Variants in DPP6 observed in about 807,000 individuals in gnomAD.
DPP6 encodes dipeptidyl peptidase like 6, also known as A-type potassium channel modulatory protein DPP6.
In DPP6, 69 loss-of-function variants were observed where a neutral mutation model predicts 122.6. The ratio of observed to expected loss-of-function variants is 0.56; its 90% CI spans 0.46 to 0.69. The LOEUF is 0.69. DPP6 is among the 30% of genes least tolerant of loss of function. The pLI is 0.00. For missense variants in DPP6, 928 were observed against 1,116.9 expected (o/e 0.83, Z 2.41); for synonymous variants, 418 against 433.1 (o/e 0.97, Z 0.43).
intron 1 of DPP6, among the ~76,000 whole-genome samples, chr7:153,990,821 G>A (rs1164360569): frequency 6.6e-6 from 1 of 152,242 alleles, no homozygotes; most frequent in African/African-American, 2.4e-5. Flanking sequence ...GGACGAAGGA[G>A]TGACGTCCAA....
chr7:154,484,775 T>G (rs953984179), intron 3 of DPP6, among the ~76,000 whole-genome samples: 3 of 152,224 alleles, frequency 2.0e-5, no homozygotes, highest in Non-Finnish European at 4.4e-5. Flanking sequence ...GATGCGGTAC[T>G]AGAGAGACTG....
chr7:154,032,263 A>G (rs1799282386), intron 1 of DPP6, among the ~76,000 whole-genome samples: 1 of 152,086 alleles, frequency 6.6e-6, no homozygotes, highest in South Asian at 2.1e-4. Context: ...TGGGACAAGG[A>G]CGTTGCAGGT....
At chr7:154,678,274 A>G (rs539191110) in intron 7 of DPP6, among the ~76,000 whole-genome samples, 6 of 152,310 alleles carry the variant, frequency 3.9e-5, no homozygotes, top group Admixed American at 6.5e-5. Context: ...TTCCACGTGG[A>G]AGCTGTGTTC....
At chr7:154,301,345 G>GCTC in intron 1 of DPP6, among the ~76,000 whole-genome samples, 1 of 152,278 alleles carries the variant, frequency 6.6e-6, no homozygotes, top group Non-Finnish European at 1.5e-5. Context: ...GAGTGCAGTG[G>GCTC]CTCTTTTTCC....
chr7:154,414,914 T>C (rs990455637), intron 1 of DPP6, among the ~76,000 whole-genome samples: 3 of 152,156 alleles, frequency 2.0e-5, no homozygotes, highest in African/African-American at 7.2e-5. Flanking sequence ...TCACACACTG[T>C]CACTTCCAGT....
At chr7:153,954,951 G>A (rs1373049042) in intron 1 of DPP6, among the ~76,000 whole-genome samples, 6 of 152,166 alleles carry the variant, frequency 3.9e-5, no homozygotes, top group Admixed American at 3.9e-4. Flanking sequence ...CTTACTATCG[G>A]GAAGGTAAGA....
chr7:154,674,067 G>A (rs183741907), intron 7 of DPP6, among the ~76,000 whole-genome samples: 1 of 152,078 alleles, frequency 6.6e-6, no homozygotes, highest in East Asian at 1.9e-4. Context: ...GCAGAGATGG[G>A]GTTTCACCGT....
chr7:154,019,863 C>T (rs1187227152), intron 1 of DPP6, among the ~76,000 whole-genome samples: 1 of 152,126 alleles, frequency 6.6e-6, no homozygotes, highest in African/African-American at 2.4e-5. Context: ...CTATTAAGTG[C>T]AGTTTTTCCA....
chr7:154,688,534 A>T (rs1839759156), intron 7 of DPP6, among the ~76,000 whole-genome samples: 1 of 152,150 alleles, frequency 6.6e-6, no homozygotes, highest in South Asian at 2.1e-4. Context: ...AACTAACAGG[A>T]TATATATATT....
At chr7:154,460,127 G>A (rs990692421) in intron 2 of DPP6, among the ~76,000 whole-genome samples, 4 of 151,742 alleles carry the variant, frequency 2.6e-5, no homozygotes, top group Middle Eastern at 3.4e-3. Context: ...TATTACAGAC[G>A]TGTACCACCA....
chr7:154,331,162 T>C (rs771792604), intron 1 of DPP6, among the ~76,000 whole-genome samples: 5 of 152,210 alleles, frequency 3.3e-5, no homozygotes, highest in Non-Finnish European at 7.3e-5. Flanking sequence ...ACATGGGTAC[T>C]CTAGGGATAC....
intron 1 of DPP6, among the ~76,000 whole-genome samples, chr7:154,276,953 G>A (rs1040727713): frequency 3.3e-5 from 5 of 152,054 alleles, no homozygotes; most frequent in South Asian, 4.2e-4. Context: ...GGCACATCAC[G>A]GTATTCTTGT....
intron 1 of DPP6, among the ~76,000 whole-genome samples, chr7:154,199,914 G>A (rs1486144659): frequency 6.6e-6 from 1 of 152,094 alleles, no homozygotes; most frequent in Non-Finnish European, 1.5e-5. Flanking sequence ...TGCTTTCTCA[G>A]CTACTTTAAA....
At chr7:153,810,705 T>G in the DPP6 span, among the ~76,000 whole-genome samples, 1 of 129,436 alleles carries the variant, frequency 7.7e-6, no homozygotes, top group East Asian at 2.4e-4. Context: ...TCTCTCTCTC[T>G]CTCTCTCTCA....
chr7:154,711,366 C>G (rs1841170053), intron 7 of DPP6, among the ~76,000 whole-genome samples: 1 of 152,162 alleles, frequency 6.6e-6, no homozygotes, highest in East Asian at 1.9e-4. Context: ...AGCAAGACCC[C>G]CATCTTAATT....
At chr7:154,308,269 T>G (rs1161698136) in intron 1 of DPP6, among the ~76,000 whole-genome samples, 11 of 151,878 alleles carry the variant, frequency 7.2e-5, no homozygotes, top group Admixed American at 7.2e-4. Context: ...AAAAAAAGAT[T>G]TTACTATTAG....
intron 1 of DPP6, among the ~76,000 whole-genome samples, chr7:154,347,610 C>T (rs1464167736): frequency 6.6e-6 from 1 of 152,184 alleles, no homozygotes; most frequent in Non-Finnish European, 1.5e-5. Flanking sequence ...TGCCTATCTC[C>T]TCTCCTACAT....
intron 1 of DPP6, among the ~76,000 whole-genome samples, chr7:154,130,040 G>A (rs1396513801): frequency 6.6e-6 from 1 of 151,780 alleles, no homozygotes; most frequent in Admixed American, 6.6e-5. Context: ...AGTGAGCCGA[G>A]ATCGCGCCAT....
In DPP6 at chr7:154,808,847, T is replaced by A. The variant is rs76563238; in HGVS notation, c.1666+1735T>A. On this transcript the variant is annotated intron_variant, in intron 16 of 25. Transcript: ENST00000377770. Reference sequence around the variant, plus strand: ...GGAGGCAGCTTCAGCACACAGGAGGTCATGATCAAACACAGAAGTGAAAAA... The same window carrying A: ...GGAGGCAGCTTCAGCACACAGGAGGACATGATCAAACACAGAAGTGAAAAA... Among the ~76,000 whole-genome samples, 597 of 151,918 alleles carry A rather than the reference T, an allele frequency of 3.9e-3. 5 individuals are homozygous for A. Among genetic ancestry groups the A allele is most frequent in the African/African-American group, 0.014 (559 of 41,368 alleles).
Sources: allele counts gnomAD v4.1 joint callset (sites outside exome capture counted in the v4.1 genomes callset), GRCh38; gene constraint gnomAD v4.1.1; transcripts MANE v1.5; gene names NCBI Gene and HGNC (gene_info 2026-07-23, HGNC 2026-07-21).